Variants in UBE2E3 observed in about 807,000 individuals in gnomAD.
UBE2E3 encodes the protein ubiquitin conjugating enzyme E2 E3.
A neutral mutation model predicts 23.6 loss-of-function variants in UBE2E3; 5 were observed. The observed-to-expected ratio is 0.21, with a 90% CI of 0.11 to 0.44. The LOEUF (loss-of-function observed/expected upper bound fraction) is 0.44. UBE2E3 is among the 20% of genes least tolerant of loss of function. UBE2E3 has a pLI of 0.99. For synonymous variants in UBE2E3, 78 were observed against 87.5 expected (o/e 0.89, Z 0.60); for missense variants, 81 against 249.8 (o/e 0.32, Z 4.55).
chr2:181,039,972 T>C (rs1368721073), intron 3 of UBE2E3, among the ~76,000 whole-genome samples: 1 of 152,228 alleles, frequency 6.6e-6, no homozygotes, highest in African/African-American at 2.4e-5. Flanking sequence ...AGTTTTTTTC[T>C]GCATATTTTC....
Position 181,042,890 on chromosome 2 carries a change from A to G in UBE2E3, c.246-14803A>G, listed in dbSNP as rs566745592. On this transcript the variant is annotated intron_variant, in intron 3 of 5. Transcript: ENST00000410062. ...AATTGAGTAATTTGCACAACGTCAC[A>G]CATCTGGTAAATGCAACCAGATTTT... 2.4e-4 allele frequency among the ~76,000 whole-genome samples: 37 copies of G among 152,340 alleles called. 1 individual carries two copies. The South Asian group carries it at 7.4e-3, about 31-fold the overall frequency.
intron 3 of UBE2E3, among the ~76,000 whole-genome samples, chr2:180,992,866 A>G (rs1008067776): frequency 2.6e-5 from 4 of 152,114 alleles, no homozygotes; most frequent in Non-Finnish European, 4.4e-5. Flanking sequence ...GGGTTTCACC[A>G]TGTTGATCAG....
rs180851728 is a variant in UBE2E3, at chr2:181,004,237, A to G, written c.245+20144A>G. On this transcript the variant is annotated intron_variant, in intron 3 of 5. Coordinates refer to ENST00000410062, the MANE Select transcript of UBE2E3 (RefSeq NM_006357.4). The stretch of plus-strand genomic sequence containing the variant: ...ATTATAATTTTTAGAGTTGAAACCA[A>G]TGGTGCAGTGTGTAGTAGTTCTAGT... Among the ~76,000 whole-genome samples, 19 of 152,344 alleles carry G rather than the reference A, an allele frequency of 1.2e-4. No homozygotes were observed. The East Asian group carries it at 3.3e-3, about 26-fold the overall frequency.
At chr2:181,016,317 C>T (rs1685490038) in intron 3 of UBE2E3, among the ~76,000 whole-genome samples, 1 of 151,866 alleles carries the variant, frequency 6.6e-6, no homozygotes, top group South Asian at 2.1e-4. Flanking sequence ...TGGGTTCAAG[C>T]GATCCTGCTT....
upstream of UBE2E3, chr2:180,980,456 C>G (rs1321553264): frequency 6.6e-6 from 1 of 150,652 alleles, no homozygotes; most frequent in Admixed American, 6.6e-5. This position sits in a 1 kb window ranked among gnomAD's most constrained non-coding sequence, Gnocchi z 5.5. Context: ...CGTGCACCCC[C>G]AGGGTGAGGG....
At chr2:181,028,770 A>G (rs1685978919) in intron 3 of UBE2E3, among the ~76,000 whole-genome samples, 1 of 152,094 alleles carries the variant, frequency 6.6e-6, no homozygotes, top group African/African-American at 2.4e-5. Flanking sequence ...TTGTGGATAC[A>G]GATGCCTTTT....
At chr2:181,019,357 C>T (rs1685602909) in intron 3 of UBE2E3, among the ~76,000 whole-genome samples, 1 of 152,160 alleles carries the variant, frequency 6.6e-6, no homozygotes. Context: ...AATGTGCTGC[C>T]CATAAATGTC....
chr2:181,020,442 A>G (rs920751565), intron 3 of UBE2E3, among the ~76,000 whole-genome samples: 2 of 152,204 alleles, frequency 1.3e-5, no homozygotes, highest in African/African-American at 2.4e-5. Context: ...ATATGCTCAC[A>G]TTTTGAGATA....
chr2:181,033,092 C>T (rs1394039221), intron 3 of UBE2E3, among the ~76,000 whole-genome samples: 8 of 152,200 alleles, frequency 5.3e-5, no homozygotes, highest in African/African-American at 1.2e-4. Flanking sequence ...ATTGTAAAAA[C>T]GGCCATACTG....
chr2:181,006,615 T>G (rs554363096), intron 3 of UBE2E3, among the ~76,000 whole-genome samples: 1 of 152,230 alleles, frequency 6.6e-6, no homozygotes, highest in Non-Finnish European at 1.5e-5. Flanking sequence ...AACTGAGTAG[T>G]TTCTGTTTTT....
At chr2:181,021,368 GTT>G (rs1685665716) in intron 3 of UBE2E3, among the ~76,000 whole-genome samples, 1 of 133,302 alleles carries the variant, frequency 7.5e-6, no homozygotes, top group Non-Finnish European at 1.6e-5. Context: ...TTTTTTTTTT[GTT>G]TTCTTTTCTT....
chr2:180,988,806 G>C (rs548491022), intron 3 of UBE2E3, among the ~76,000 whole-genome samples: 1 of 152,072 alleles, frequency 6.6e-6, no homozygotes, highest in South Asian at 2.1e-4. Flanking sequence ...TAGATAGACT[G>C]CTTTTTCTTC....
intron 3 of UBE2E3, among the ~76,000 whole-genome samples, chr2:181,031,727 C>A (rs181278486): frequency 6.6e-6 from 1 of 152,060 alleles, no homozygotes; most frequent in Non-Finnish European, 1.5e-5. Context: ...CTTCTTTACA[C>A]CCATTTTTGG....
intron 3 of UBE2E3, among the ~76,000 whole-genome samples, chr2:181,031,439 A>G (rs561312423): frequency 5.3e-5 from 8 of 152,234 alleles, no homozygotes; most frequent in East Asian, 1.9e-4. Flanking sequence ...CAAGCTTACA[A>G]TGTTTCAGTA....
intron 3 of UBE2E3, among the ~76,000 whole-genome samples, chr2:181,018,307 A>G (rs949809375): frequency 2.6e-5 from 4 of 152,212 alleles, no homozygotes; most frequent in African/African-American, 9.6e-5. Flanking sequence ...ACATAAATAC[A>G]TATCCACACA....
intron 3 of UBE2E3, among the ~76,000 whole-genome samples, chr2:181,056,829 G>C (rs965780757): frequency 6.6e-6 from 1 of 151,778 alleles, no homozygotes; most frequent in Non-Finnish European, 1.5e-5. Context: ...CTAAGCAGTA[G>C]GAAAATTGGA....
chr2:180,999,245 A>ACGTTC (rs1422139743), intron 3 of UBE2E3, among the ~76,000 whole-genome samples: 1 of 152,208 alleles, frequency 6.6e-6, no homozygotes, highest in Non-Finnish European at 1.5e-5. Flanking sequence ...TAGTACTCTG[A>ACGTTC]CGTTCCACAG....
intron 3 of UBE2E3, among the ~76,000 whole-genome samples, chr2:180,986,026 C>G (rs574185365): frequency 6.6e-6 from 1 of 152,190 alleles, no homozygotes; most frequent in East Asian, 1.9e-4. Context: ...TTGTCTTTCT[C>G]TTTATATACC....
At chr2:181,012,096 C>G (rs1685346560) in intron 3 of UBE2E3, among the ~76,000 whole-genome samples, 2 of 152,104 alleles carry the variant, frequency 1.3e-5, no homozygotes. Flanking sequence ...TTGATGTTTT[C>G]TTTTGAGAGA....
Sources: allele counts gnomAD v4.1 joint callset (sites outside exome capture counted in the v4.1 genomes callset), GRCh38; gene constraint gnomAD v4.1.1; non-coding constraint Gnocchi (gnomAD v3.1); transcripts MANE v1.5; gene names NCBI Gene and HGNC (gene_info 2026-07-23, HGNC 2026-07-21).